Variants in RRP1 observed in about 807,000 individuals in gnomAD.
RRP1 encodes the protein ribosomal RNA processing 1.
RRP1 carries 37 observed loss-of-function variants against 54.6 expected under a neutral mutation model. The observed-to-expected ratio is 0.68, with a 90% CI of 0.52 to 0.89. The LOEUF is 0.89. Ranked by LOEUF, RRP1 falls within the 40% of genes least tolerant of loss-of-function variation. RRP1 has a pLI of 0.00. For synonymous variants in RRP1, 262 were observed against 244.3 expected, an observed-to-expected ratio of 1.07 and a Z score of -0.67; for missense variants, 639 against 612.5, an observed-to-expected ratio of 1.04 and a Z score of -0.46.
chr21:43,798,817 G>C (rs1275435031), intron 8 of RRP1, among the ~76,000 whole-genome samples: 1 of 152,150 alleles, frequency 6.6e-6, no homozygotes, highest in East Asian at 1.9e-4. Flanking sequence ...GCTGTGGAGG[G>C]CATGTCTTTG....
chr21:43,794,259 G>A (rs2084992055), intron 4 of RRP1, among the ~76,000 whole-genome samples: 1 of 152,204 alleles, frequency 6.6e-6, no homozygotes, highest in Non-Finnish European at 1.5e-5. Context: ...CAGGGGCCCG[G>A]CCATGCACTC....
At position 43,789,592 on chromosome 21, in the gene RRP1, A is replaced by G; in HGVS notation, c.-38A>G. ...GCGCGTGCTCAGTGTGCTGGGTACC[A>G]GGCGACTCCGGGACAGGGGGTCTCG... is the stretch of plus-strand genomic sequence containing the variant. On this transcript the variant is annotated 5_prime_UTR_variant, in exon 1 of 13. Coordinates refer to ENST00000497547, the MANE Select transcript of RRP1 (RefSeq NM_003683.6). 6.4e-7 allele frequency: 1 copy of G among 1,571,162 alleles called. No homozygotes were observed. Among genetic ancestry groups the G allele is most frequent in the African/African-American group, 1.4e-5 (1 of 71,752 alleles).
At chr21:43,795,118 T>C (rs2085004851) in intron 4 of RRP1, 71 bp from the exon 5 acceptor site, 2 of 1,388,908 alleles carry the variant, frequency 1.4e-6, no homozygotes, top group South Asian at 2.3e-5. Context: ...CGGATGGTGG[T>C]ACATGGGGAT....
At position 43,797,437 on chromosome 21, in the gene RRP1, G is replaced by A. The variant is rs377342508; in HGVS notation, c.438G>A (p.Leu146=). The change falls in exon 6 of 13, where the codon CTG becomes CTA. Residue 146 remains leucine (L), a synonymous_variant. Coordinates refer to ENST00000497547, the MANE Select transcript of RRP1 (RefSeq NM_003683.6). ...QGWEERQIEE[L]LELLMTEILH... Reference sequence around the variant, plus strand: ...CTTTCCTCAGACAGATCGAGGAGCTGCTAGAGCTGCTGATGACTGAGATCC... The same window carrying A: ...CTTTCCTCAGACAGATCGAGGAGCTACTAGAGCTGCTGATGACTGAGATCC... 12 of 1,612,286 alleles carry A rather than the reference G, an allele frequency of 7.4e-6. No individual in the cohort carries two copies. The African/African-American group carries it at 1.6e-4, about 22-fold the overall frequency.
In RRP1 at chr21:43,791,372, G is replaced by C; in HGVS notation, c.156G>C (p.Leu52=). 2 of 1,614,102 alleles carry C rather than the reference G, an allele frequency of 1.2e-6. No homozygotes were observed. The highest frequency in any genetic ancestry group is 3.3e-5 in the Admixed American group (2 of 60,030). Residue 52 remains leucine, a synonymous_variant, in exon 2 of 13, where the codon CTG becomes CTC. Coordinates refer to ENST00000497547, the MANE Select transcript of RRP1 (RefSeq NM_003683.6). The part of the protein sequence containing the change: ...RAAGGFTHDE[L]LKVWKGLFYC... ...CAGGTGGTTTTACGCACGACGAGCT[G>C]CTGAAGGTGTGGAAAGGACTGTTTT...
At chr21:43,795,720 TG>T (rs2085012310) in intron 5 of RRP1, among the ~76,000 whole-genome samples, 1 of 152,254 alleles carries the variant, frequency 6.6e-6, no homozygotes. Context: ...ACGTAATTTT[TG>T]TATCTTTTTT....
At chr21:43,797,861 A>T (rs1298982258) in intron 7 of RRP1, 46 bp from the exon 8 acceptor site, 3 of 1,590,094 alleles carry the variant, frequency 1.9e-6, no homozygotes, top group Non-Finnish European at 2.6e-6. Flanking sequence ...CCGCTTGGGA[A>T]TCCAGCATAA....
Position 43,803,612 on chromosome 21 carries a change from G to A in RRP1, c.1224G>A (p.Glu408=), listed in dbSNP as rs1277657076. 1.3e-6 allele frequency: 2 copies of A among 1,551,262 alleles called. No individual in the cohort carries two copies. Among genetic ancestry groups the A allele is most frequent in the Non-Finnish European group, 1.7e-6 (2 of 1,147,934 alleles). The change falls in exon 13 of 13, where the codon GAG becomes GAA. Residue 408 remains glutamate, a synonymous_variant. Coordinates refer to ENST00000497547, the MANE Select transcript of RRP1 (RefSeq NM_003683.6). ...CCGAGGCGCGGGCAGAGGCTGGTGA[G>A]CAGCCAGGCACAGCTGAGCGGGCCC... ...ADPEARAEAG[E]QPGTAERALL...
In RRP1 at chr21:43,797,909, C is replaced by G; in HGVS notation, c.620C>G (p.Ser207Cys). The change falls in exon 8 of 13, where the codon TCC (serine) becomes TGC (cysteine). Residue 207 changes from serine (S) to cysteine (C), a missense_variant and splice_region_variant. By Grantham distance (112) the Ser-to-Cys change is moderately radical. Transcript: ENST00000497547. ...CCGGCCTCTGCTCTGCCCCTCAGTT[C>G]CTTGGTTTTGAACAACATCACTCGA... ...FCRIAARTKD[S>C]LVLNNITRGI... 1 of 1,613,388 alleles carries G rather than the reference C, an allele frequency of 6.2e-7. No individual in the cohort carries two copies. The highest frequency in any genetic ancestry group is 1.1e-5 in the South Asian group (1 of 91,024).
chr21:43,796,147 TAAAG>T (rs1282508913), intron 5 of RRP1, among the ~76,000 whole-genome samples: 11 of 151,986 alleles, frequency 7.2e-5, no homozygotes, highest in African/African-American at 2.4e-4. Context: ...TTTTTTTTTT[TAAAG>T]AATCAGCAGG....
chr21:43,798,007 G>A lies in RRP1; in HGVS notation c.718G>A (p.Asp240Asn). 1 of 1,614,224 alleles carries A rather than the reference G, an allele frequency of 6.2e-7. No individual in the cohort carries two copies. The highest frequency in any genetic ancestry group is 8.5e-7 in the Non-Finnish European group (1 of 1,180,030). ...CCTCCTGAATGAACTGGACACACAG[G>A]ATGAGGAGGTGGCGTCGGACAGTGA... ...EDLLNELDTQ[D>N]EEVASDSDES... Residue 240 changes from aspartate to asparagine, a missense_variant, in exon 8 of 13, where the codon GAT becomes AAT. Asp to Asn is a conservative substitution (Grantham distance 23). Coordinates refer to ENST00000497547, the MANE Select transcript of RRP1 (RefSeq NM_003683.6).
chr21:43,790,271 T>C (rs2084943258), intron 1 of RRP1, among the ~76,000 whole-genome samples: 1 of 152,180 alleles, frequency 6.6e-6, no homozygotes. Context: ...TTGTTAGAAA[T>C]ACACGTTCTA....
rs567037348 is a variant in RRP1, at chr21:43,803,975, G to T, written c.*201G>T. On this transcript the variant is annotated 3_prime_UTR_variant, in exon 13 of 13. Coordinates refer to ENST00000497547, the MANE Select transcript of RRP1 (RefSeq NM_003683.6). ...AACTGGACCTTTCCCCAGAGCCTCC[G>T]CCTGTGGCTGTGATGACCTTGGGCC... 17 of 623,632 alleles carry T rather than the reference G, an allele frequency of 2.7e-5. No individual in the cohort carries two copies. The highest frequency in any genetic ancestry group is 4.2e-5 in the Non-Finnish European group (16 of 384,690). The allele number at this position is 623,632 out of a possible 1,614,324, so 38.6% of individuals were successfully genotyped here.
chr21:43,793,164 T>C, intron 3 of RRP1, 155 bp from the exon 4 acceptor site: 1 of 679,800 alleles, frequency 1.5e-6, no homozygotes, highest in Non-Finnish European at 2.5e-6. Flanking sequence ...GTCCAGATCC[T>C]GGTCCAGCAA....
chr21:43,793,278 G>C, intron 3 of RRP1, 41 bp from the exon 4 acceptor site: 1 of 1,589,530 alleles, frequency 6.3e-7, no homozygotes, highest in African/African-American at 1.3e-5. Flanking sequence ...GAGTGGCTTC[G>C]TGCTCCTCAG....
At chr21:43,791,478 G>C in intron 2 of RRP1, 46 bp downstream of exon 2, 2 of 1,547,482 alleles carry the variant, frequency 1.3e-6, no homozygotes, top group Non-Finnish European at 1.8e-6. Flanking sequence ...AGCGGGGGAG[G>C]ATGGATGGGC....
At position 43,797,679 on chromosome 21, in the gene RRP1, G is replaced by A. The variant is rs753419754; in HGVS notation, c.601G>A (p.Ala201Thr). 7 of 1,613,746 alleles carry A rather than the reference G, an allele frequency of 4.3e-6. No individual in the cohort carries two copies. The African/African-American group carries it at 8.0e-5, about 18-fold the overall frequency. ...LKFIDPFCRIAARTKDSLVLN... is the reference protein window; with the variant it reads ...LKFIDPFCRITARTKDSLVLN... ...GTTCATCGACCCCTTCTGCAGAATT[G>A]CTGCCCGGACCAAGGAGTAAGTGGT... The change falls in exon 7 of 13, where the codon GCT (alanine) becomes ACT (threonine). Residue 201 changes from alanine (A) to threonine (T), a missense_variant. By Grantham distance (58) the Ala-to-Thr change is moderately conservative (BLOSUM62 0). Transcript: ENST00000497547.
chr21:43,800,126 C>T (rs903929611), intron 9 of RRP1, among the ~76,000 whole-genome samples: 42 of 148,166 alleles, frequency 2.8e-4, no homozygotes, highest in African/African-American at 1.0e-3. Context: ...ATATGATTAT[C>T]TGCAGACTGA....
At chr21:43,797,847 G>A in intron 7 of RRP1, 60 bp from the exon 8 acceptor site, 1 of 1,579,568 alleles carries the variant, frequency 6.3e-7, no homozygotes, top group African/African-American at 1.3e-5. Flanking sequence ...GGAGTCGGCG[G>A]CTTCCGCTTG....
Sources: allele counts gnomAD v4.1 joint callset (sites outside exome capture counted in the v4.1 genomes callset), GRCh38; gene constraint gnomAD v4.1.1; transcripts MANE v1.5; gene names NCBI Gene and HGNC (gene_info 2026-07-23, HGNC 2026-07-21).